Variants in MDGA2 observed in about 807,000 individuals in gnomAD.
MDGA2 encodes MAM domain-containing glycosylphosphatidylinositol anchor protein 2.
Under a neutral mutation model 117.8 loss-of-function variants are expected in MDGA2, and 40 were observed. That is an observed-to-expected ratio of 0.34 (90% CI 0.26 to 0.44). The LOEUF (loss-of-function observed/expected upper bound fraction) is 0.44. Among genes scored for constraint, MDGA2 ranks in the 20% least tolerant of loss-of-function variants. The pLI, the probability that MDGA2 is intolerant of heterozygous loss-of-function variation, is 1.00. For missense variants in MDGA2, 1,123 were observed against 1,250.6 expected (o/e 0.90, Z 1.54); for synonymous variants, 452 against 439.0 (o/e 1.03, Z -0.37).
At chr14:46,961,708 T>A (rs999424639) in intron 8 of MDGA2, among the ~76,000 whole-genome samples, 1 of 151,622 alleles carries the variant, frequency 6.6e-6, no homozygotes, top group Non-Finnish European at 1.5e-5. Context: ...AGTGGCGCAA[T>A]CTCAGCTCAC....
intron 2 of MDGA2, among the ~76,000 whole-genome samples, chr14:47,235,033 A>ATT (rs567789444): frequency 3.9e-5 from 6 of 152,134 alleles, no homozygotes; most frequent in Non-Finnish European, 7.4e-5. Flanking sequence ...TATCTTATTG[A>ATT]TTTTAAAAGA....
chr14:47,423,900 C>T (rs1892631834), intron 1 of MDGA2, among the ~76,000 whole-genome samples: 1 of 152,140 alleles, frequency 6.6e-6, no homozygotes, highest in South Asian at 2.1e-4. Flanking sequence ...CAACCTCTGC[C>T]TCCCGGGTTC....
chr14:47,072,752 G>C (rs1389587961), intron 6 of MDGA2, among the ~76,000 whole-genome samples: 1 of 152,098 alleles, frequency 6.6e-6, no homozygotes, highest in Non-Finnish European at 1.5e-5. Context: ...CTCTGTTATT[G>C]AAAAAGTTTA....
intron 1 of MDGA2, among the ~76,000 whole-genome samples, chr14:47,514,927 A>G (rs1275005260): frequency 6.6e-6 from 1 of 152,190 alleles, no homozygotes; most frequent in Non-Finnish European, 1.5e-5. Context: ...ATCTCCTGTG[A>G]TAAGAAGCTC....
chr14:47,406,243 A>G (rs898152336), intron 1 of MDGA2, among the ~76,000 whole-genome samples: 1 of 152,130 alleles, frequency 6.6e-6, no homozygotes, highest in Non-Finnish European at 1.5e-5. Flanking sequence ...TAAGTCAGAA[A>G]TCTATCCCAG....
intron 5 of MDGA2, among the ~76,000 whole-genome samples, chr14:47,131,282 A>G (rs1882192549): frequency 6.6e-6 from 1 of 152,028 alleles, no homozygotes; most frequent in Non-Finnish European, 1.5e-5. Flanking sequence ...TGTTCTAAAA[A>G]CATCTATCTG....
intron 1 of MDGA2, among the ~76,000 whole-genome samples, chr14:47,460,860 A>C (rs1024769094): frequency 1.1e-4 from 17 of 152,320 alleles, no homozygotes; most frequent in Non-Finnish European, 2.4e-4. Context: ...TCAGAAATGC[A>C]GACAGCTCAA....
chr14:47,512,132 T>C, intron 1 of MDGA2, among the ~76,000 whole-genome samples: 1 of 152,174 alleles, frequency 6.6e-6, no homozygotes, highest in South Asian at 2.1e-4. Flanking sequence ...TTGAACACCA[T>C]GCATATCAAC....
chr14:47,211,732 G>A (rs2139483126), intron 3 of MDGA2, among the ~76,000 whole-genome samples: 1 of 152,180 alleles, frequency 6.6e-6, no homozygotes, highest in Middle Eastern at 3.4e-3. Flanking sequence ...GTGTAGAACT[G>A]CCAGGGAGAA....
chr14:47,378,067 G>T (rs1050948718), intron 1 of MDGA2, among the ~76,000 whole-genome samples: 7 of 152,182 alleles, frequency 4.6e-5, no homozygotes, highest in Non-Finnish European at 1.0e-4. Context: ...TTGCTGTTCT[G>T]CAGCCTCTGC....
At chr14:47,411,863 G>A (rs1892379938) in intron 1 of MDGA2, among the ~76,000 whole-genome samples, 1 of 152,098 alleles carries the variant, frequency 6.6e-6, no homozygotes, top group South Asian at 2.1e-4. Flanking sequence ...TAATCCCAAA[G>A]ACCCGTAAGA....
chr14:47,508,925 C>T lies in MDGA2; in HGVS notation c.280+165592G>A, dbSNP rs149224777. Among the ~76,000 whole-genome samples, 1,481 of 152,198 alleles carry T rather than the reference C, an allele frequency of 9.7e-3. 34 individuals carry two copies. The East Asian group carries it at 0.1, about 11-fold the overall frequency. On this transcript the variant is annotated intron_variant, in intron 1 of 16. Transcript: ENST00000399232. ...AAGGATGGTCTCGATCTCCTGACCT[C>T]GTGATCCACCCGCCTCGGCCTCCCA...
chr14:47,046,996 A>G (rs931132291), intron 7 of MDGA2, among the ~76,000 whole-genome samples: 48 of 152,154 alleles, frequency 3.2e-4, no homozygotes, highest in African/African-American at 1.0e-3. Context: ...GATAATACCA[A>G]TTTATTTTAA....
intron 8 of MDGA2, among the ~76,000 whole-genome samples, chr14:46,990,408 T>C (rs1426537801): frequency 6.6e-6 from 1 of 152,040 alleles, no homozygotes; most frequent in East Asian, 1.9e-4. Context: ...CATAGTAAAA[T>C]TTGTTTAAAA....
chr14:47,368,284 C>T (rs1183096943), intron 1 of MDGA2, among the ~76,000 whole-genome samples: 2 of 151,420 alleles, frequency 1.3e-5, no homozygotes, highest in Non-Finnish European at 2.9e-5. Context: ...TCTGTCTAAA[C>T]AAAACAAAAC....
rs1219874934 is a variant in MDGA2 at position 46,840,791 on chromosome 14, T to TG, written c.*1139_*1140insC. The TG allele has an allele frequency of 7.9e-5, 12 of 152,594 alleles. No individual in the cohort carries two copies. The highest frequency in any genetic ancestry group is 1.3e-4 in the Non-Finnish European group (9 of 68,012). 9.5% of individuals were successfully genotyped at this position (152,594 alleles called of 1,614,324 possible). On this transcript the variant is annotated 3_prime_UTR_variant, in exon 17 of 17. Transcript: ENST00000399232. ...CACCTTCTGCACTAAGTATTCTTAATAACCTTTTGCTCTGGTTGACCCATT... is the reference window on the plus strand; with the variant it reads ...CACCTTCTGCACTAAGTATTCTTAATGAACCTTTTGCTCTGGTTGACCCATT...
At chr14:46,972,126 T>C (rs1886293397) in intron 8 of MDGA2, among the ~76,000 whole-genome samples, 1 of 152,148 alleles carries the variant, frequency 6.6e-6, no homozygotes, top group Non-Finnish European at 1.5e-5. Flanking sequence ...GATTTGTAAC[T>C]GGCATTTGAA....
intron 1 of MDGA2, among the ~76,000 whole-genome samples, chr14:47,370,564 A>G (rs1228672270): frequency 1.4e-5 from 2 of 139,788 alleles, no homozygotes; most frequent in African/African-American, 5.3e-5. Context: ...AGAGAAATTT[A>G]GAAAGTTAGA....
chr14:47,622,699 G>A (rs908804692), intron 1 of MDGA2, among the ~76,000 whole-genome samples: 6 of 152,172 alleles, frequency 3.9e-5, no homozygotes, highest in East Asian at 1.9e-4. Context: ...CCATGGATGC[G>A]GAAATCTTCT....
Sources: allele counts gnomAD v4.1 joint callset (sites outside exome capture counted in the v4.1 genomes callset), GRCh38; gene constraint gnomAD v4.1.1; transcripts MANE v1.5; gene names NCBI Gene and HGNC (gene_info 2026-07-23, HGNC 2026-07-21).